ANKRD30BL: variants seen among roughly 807,000 people sequenced by gnomAD.
ANKRD30BL encodes the protein putative ankyrin repeat domain-containing protein 30B-like.
In ANKRD30BL, 20 loss-of-function variants were observed where a neutral mutation model predicts 18.4. The ratio of observed to expected loss-of-function variants is 1.09; its 90% CI spans 0.77 to 1.58. ANKRD30BL has a LOEUF of 1.58. Ranked by LOEUF, ANKRD30BL falls within the 40% of genes most tolerant of loss-of-function variation. ANKRD30BL has a pLI of 0.00. For missense variants in ANKRD30BL, 224 were observed against 268.6 expected, an observed-to-expected ratio of 0.83 and a Z score of 1.16; for synonymous variants, 72 against 100.9, an observed-to-expected ratio of 0.71 and a Z score of 1.72.
chr2:132,157,199 A>G (rs1687932708), intron 2 of ANKRD30BL, 53 bp from the exon 3 acceptor site: 2 of 1,254,536 alleles, frequency 1.6e-6, no homozygotes, highest in East Asian at 5.2e-5. Flanking sequence ...ATATAAATAA[A>G]TATTCCACAG....
chr2:132,169,862 G>T (rs1273244825), intron 1 of ANKRD30BL, among the ~76,000 whole-genome samples: 2 of 151,944 alleles, frequency 1.3e-5, no homozygotes, highest in Non-Finnish European at 2.9e-5. Context: ...CCATTTAGTT[G>T]CATCTCTAGG....
chr2:132,232,780 A>G (rs1680059063), intron 1 of ANKRD30BL, among the ~76,000 whole-genome samples: 1 of 152,160 alleles, frequency 6.6e-6, no homozygotes, highest in Admixed American at 6.6e-5. Flanking sequence ...TACCCAGGAG[A>G]ACTTCCCCAA....
intron 1 of ANKRD30BL, among the ~76,000 whole-genome samples, chr2:132,206,639 C>A (rs1037494009): frequency 4.6e-5 from 7 of 152,084 alleles, no homozygotes; most frequent in Non-Finnish European, 8.8e-5. Context: ...ATTCTAGAGC[C>A]CTTAGATTCT....
At chr2:132,227,209 A>C (rs546200045) in intron 1 of ANKRD30BL, among the ~76,000 whole-genome samples, 1 of 152,158 alleles carries the variant, frequency 6.6e-6, no homozygotes, top group South Asian at 2.1e-4. Flanking sequence ...GAATATCTTC[A>C]CATAAATACT....
intron 1 of ANKRD30BL, among the ~76,000 whole-genome samples, chr2:132,230,389 A>G (rs192542408): frequency 6.6e-6 from 1 of 151,878 alleles, no homozygotes; most frequent in Admixed American, 6.6e-5. Flanking sequence ...TTCCTTTGAT[A>G]GAGCAGTTTT....
At chr2:132,156,475 T>G (rs1215134918) in intron 3 of ANKRD30BL, 2 of 152,144 alleles carry the variant, frequency 1.3e-5, no homozygotes, top group African/African-American at 2.4e-5. Flanking sequence ...AGAGGTAAGT[T>G]GAATAAGTGA....
At chr2:132,224,532 C>T (rs112455387) in intron 1 of ANKRD30BL, among the ~76,000 whole-genome samples, 1 of 152,044 alleles carries the variant, frequency 6.6e-6, no homozygotes, top group African/African-American at 2.4e-5. Context: ...GTGCATTCAA[C>T]TCACAGAGCT....
chr2:132,217,842 A>G (rs1206120935), intron 1 of ANKRD30BL, among the ~76,000 whole-genome samples: 1 of 152,286 alleles, frequency 6.6e-6, no homozygotes, highest in Non-Finnish European at 1.5e-5. Context: ...CAACTCACAG[A>G]GTTGAACCTT....
intron 1 of ANKRD30BL, among the ~76,000 whole-genome samples, chr2:132,253,700 G>T (rs1342859588): frequency 6.6e-6 from 1 of 151,870 alleles, no homozygotes; most frequent in Non-Finnish European, 1.5e-5. Flanking sequence ...GGACTCCACT[G>T]TGGGCCCACT....
intron 1 of ANKRD30BL, among the ~76,000 whole-genome samples, chr2:132,200,902 A>G (rs1420995470): frequency 6.6e-6 from 1 of 152,242 alleles, no homozygotes; most frequent in African/African-American, 2.4e-5. Context: ...CTATGCTAGA[A>G]GGCTGCAGTA....
At chr2:132,226,399 G>A (rs963592016) in intron 1 of ANKRD30BL, among the ~76,000 whole-genome samples, 3 of 150,750 alleles carry the variant, frequency 2.0e-5, no homozygotes, top group Non-Finnish European at 4.4e-5. Flanking sequence ...TCTTTGTGAT[G>A]TGTGCATTCT....
At chr2:132,251,269 T>G (rs1158782076) in intron 1 of ANKRD30BL, among the ~76,000 whole-genome samples, 2 of 152,190 alleles carry the variant, frequency 1.3e-5, no homozygotes, top group Non-Finnish European at 2.9e-5. Flanking sequence ...GAAACTGACA[T>G]AGGTACAATT....
At chr2:132,200,198 G>A (rs1162149891) in intron 1 of ANKRD30BL, among the ~76,000 whole-genome samples, 3 of 151,616 alleles carry the variant, frequency 2.0e-5, no homozygotes, top group East Asian at 1.9e-4. Context: ...TACTGAATGG[G>A]CAAAAACTGG....
At chr2:132,185,478 A>G (rs1395416248) in intron 1 of ANKRD30BL, among the ~76,000 whole-genome samples, 1 of 152,306 alleles carries the variant, frequency 6.6e-6, no homozygotes, top group East Asian at 1.9e-4. Context: ...TTTCATGGAA[A>G]GAAAGCAAAA....
chr2:132,163,716 G>A (rs555149812), upstream of ANKRD30BL, among the ~76,000 whole-genome samples: 1 of 152,292 alleles, frequency 6.6e-6, no homozygotes, highest in South Asian at 2.1e-4. Context: ...CAAGGGATGG[G>A]TCCCCAGCTG....
chr2:132,211,588 G>A (rs566613907), intron 1 of ANKRD30BL, among the ~76,000 whole-genome samples: 11 of 151,966 alleles, frequency 7.2e-5, no homozygotes, highest in East Asian at 1.9e-4. Flanking sequence ...CTAGACAGAC[G>A]CATTGTGAGA....
intron 1 of ANKRD30BL, among the ~76,000 whole-genome samples, chr2:132,247,573 T>C (rs1397416095): frequency 6.6e-6 from 1 of 151,820 alleles, no homozygotes; most frequent in African/African-American, 2.4e-5. Flanking sequence ...TTATGTCTAG[T>C]TTTTATGTGA....
intron 1 of ANKRD30BL, among the ~76,000 whole-genome samples, chr2:132,198,020 C>T (rs1162261908): frequency 4.0e-5 from 6 of 151,836 alleles, no homozygotes; most frequent in Non-Finnish European, 7.4e-5. Flanking sequence ...CTTCTCTCTT[C>T]TAGTTGATAA....
At chr2:132,197,879 A>T (rs1468040461) in intron 1 of ANKRD30BL, among the ~76,000 whole-genome samples, 11 of 152,062 alleles carry the variant, frequency 7.2e-5, no homozygotes. Flanking sequence ...GAACCTTATT[A>T]TAAACCAGCA....
Sources: gnomAD v4.1 joint callset for allele counts (sites outside exome capture counted in the v4.1 genomes callset) on GRCh38, gnomAD v4.1.1 for gene constraint, MANE v1.5 for transcripts, NCBI Gene and HGNC (gene_info 2026-07-23, HGNC 2026-07-21) for gene names.